MAP2: variants seen among roughly 807,000 people sequenced by gnomAD.
The protein encoded by MAP2 is microtubule associated protein 2.
MAP2 carries 14 observed loss-of-function variants against 137.6 expected under a neutral mutation model. The ratio of observed to expected loss-of-function variants is 0.10; its 90% CI spans 0.07 to 0.16. The LOEUF (loss-of-function observed/expected upper bound fraction) is 0.16, where lower values mean the gene tolerates loss of function less well. MAP2 is among the 10% of genes least tolerant of loss of function. The probability of loss-of-function intolerance (pLI) is 1.00; values close to 1 mark genes in which losing one functional copy is unlikely to be tolerated. For synonymous variants in MAP2, 786 were observed against 782.3 expected, an observed-to-expected ratio of 1.00 and a Z score of -0.08; for missense variants, 2,088 against 2,191.5, an observed-to-expected ratio of 0.95 and a Z score of 0.94.
intron 9 of MAP2, 82 bp from the exon 10 acceptor site, chr2:209,696,831 CTAAT>C: frequency 2.0e-6 from 3 of 1,536,984 alleles, no homozygotes; most frequent in South Asian, 2.4e-5. Flanking sequence ...ACAGTGGTAA[CTAAT>C]TATTTATAAA....
At chr2:209,644,959 A>G (rs1235936880) in intron 4 of MAP2, among the ~76,000 whole-genome samples, 2 of 152,194 alleles carry the variant, frequency 1.3e-5, no homozygotes, top group African/African-American at 4.8e-5. Flanking sequence ...GACTGATGGC[A>G]GAGTTGTCAG....
chr2:209,687,742 G>A (rs2057495560), intron 7 of MAP2, among the ~76,000 whole-genome samples: 1 of 152,042 alleles, frequency 6.6e-6, no homozygotes, highest in African/African-American at 2.4e-5. Flanking sequence ...GGATCAAGTG[G>A]GTCCTCTACA....
intron 7 of MAP2, among the ~76,000 whole-genome samples, chr2:209,685,788 T>A (rs1176270479): frequency 6.6e-6 from 1 of 152,188 alleles, no homozygotes; most frequent in Non-Finnish European, 1.5e-5. Context: ...CTGGACTGTT[T>A]TTAAATGTTG....
rs111673895 is a variant in MAP2 at position 209,584,866 on chromosome 2, G to A, written c.-107+4766G>A. On this transcript the variant is annotated intron_variant, in intron 3 of 15. Coordinates refer to ENST00000682079, the MANE Select transcript of MAP2 (RefSeq NM_001375505.1). ...AGCAGAAGGACTCAAAGGTGACTCT[G>A]AAATTTGAATCTGATAACTGAAAAA... Among the ~76,000 whole-genome samples the A allele has an allele frequency of 8.3e-3, 1,268 of 152,226 alleles. 19 individuals carry two copies. The highest frequency in any genetic ancestry group is 0.029 in the African/African-American group (1,192 of 41,538).
intron 1 of MAP2, among the ~76,000 whole-genome samples, chr2:209,478,665 T>C (rs1334385509): frequency 6.6e-6 from 1 of 152,236 alleles, no homozygotes; most frequent in Non-Finnish European, 1.5e-5. Context: ...AGGTTTTTGA[T>C]GTTTATCATA....
At chr2:209,531,267 T>C (rs1454903712) in intron 2 of MAP2, among the ~76,000 whole-genome samples, 2 of 152,222 alleles carry the variant, frequency 1.3e-5, no homozygotes, top group African/African-American at 4.8e-5. Flanking sequence ...TGCACCTGAC[T>C]GTCCTCATGT....
At chr2:209,555,795 T>A (rs924351278) in intron 2 of MAP2, among the ~76,000 whole-genome samples, 2 of 152,254 alleles carry the variant, frequency 1.3e-5, no homozygotes, top group African/African-American at 4.8e-5. Flanking sequence ...ATATTTAATA[T>A]TTGTCTTTAT....
At chr2:209,468,656 G>A (rs1053298794) in intron 1 of MAP2, among the ~76,000 whole-genome samples, 3 of 152,028 alleles carry the variant, frequency 2.0e-5, no homozygotes, top group African/African-American at 7.2e-5. Flanking sequence ...AAAGTCTTAC[G>A]TTGAGTTTAT....
intron 1 of MAP2, among the ~76,000 whole-genome samples, chr2:209,480,689 A>G (rs536861435): frequency 6.6e-5 from 10 of 152,300 alleles, no homozygotes; most frequent in East Asian, 1.9e-4. Flanking sequence ...GTATTTATCT[A>G]TAATAATCAG....
chr2:209,458,031 A>T (rs1007585240), intron 1 of MAP2, among the ~76,000 whole-genome samples: 1 of 152,118 alleles, frequency 6.6e-6, no homozygotes, highest in African/African-American at 2.4e-5. Context: ...TCCAGTATTG[A>T]TTATTAGTGT....
Position 209,653,345 on chromosome 2 carries a change from G to C in MAP2, c.175G>C (p.Gly59Arg), listed in dbSNP as rs766080778. The change falls in exon 5 of 16, where the codon GGA becomes CGA. Residue 59 changes from glycine (G) to arginine (R), a missense_variant. Around this residue, in one of 6 missense-constraint regions of MAP2, gnomAD observed 859 missense variants for 794.5 expected, o/e 1.08. Coordinates refer to ENST00000682079, the MANE Select transcript of MAP2 (RefSeq NM_001375505.1). ...CAGGGAGGATGAAGAGGGTGCCTTT[G>C]GAGAGCATGGGTCACAGGGCACCTA... The part of the protein sequence containing the change: ...PYREDEEGAF[G>R]EHGSQGTYSN... The C allele has an allele frequency of 1.2e-6, 2 of 1,614,128 alleles. No homozygotes were observed.
Position 209,687,688 on chromosome 2 carries a change from C to G in MAP2, c.455-4937C>G, listed in dbSNP as rs2057483338. 2.0e-5 allele frequency among the ~76,000 whole-genome samples: 3 copies of G among 152,088 alleles called. No homozygotes were observed. The South Asian group carries it at 6.2e-4, about 31-fold the overall frequency. On this transcript the variant is annotated intron_variant, in intron 7 of 15. Transcript: ENST00000682079. Reference sequence around the variant, plus strand: ...TTGTGTCTGTGTTGTCCAGTTCTCCCTGCAGTTTCTTCCTGTGTGTCTGTT... The same window carrying G: ...TTGTGTCTGTGTTGTCCAGTTCTCCGTGCAGTTTCTTCCTGTGTGTCTGTT...
intron 14 of MAP2, 100 bp from the exon 15 acceptor site, chr2:209,729,750 A>G: frequency 1.4e-6 from 1 of 699,610 alleles, no homozygotes; most frequent in Admixed American, 2.5e-5. Flanking sequence ...AAAGTTAATA[A>G]ATTTGTGGTT....
At chr2:209,443,301 A>G (rs537335889) in intron 1 of MAP2, among the ~76,000 whole-genome samples, 1 of 151,108 alleles carries the variant, frequency 6.6e-6, no homozygotes, top group East Asian at 1.9e-4. Flanking sequence ...GTCTATTTAT[A>G]CTTCTTGCAG....
intron 3 of MAP2, among the ~76,000 whole-genome samples, chr2:209,624,131 C>A (rs1026928443): frequency 4.6e-5 from 7 of 152,120 alleles, no homozygotes; most frequent in Non-Finnish European, 1.0e-4. Context: ...TTCCAACTTG[C>A]ATTTCCTAGT....
At chr2:209,596,447 G>C (rs58636345) in intron 3 of MAP2, among the ~76,000 whole-genome samples, 25,861 of 152,044 alleles carry the variant, frequency 0.17, 3,222 homozygotes, top group African/African-American at 0.35. Flanking sequence ...TTCTAACGTT[G>C]ACTATTTGCA....
intron 5 of MAP2, among the ~76,000 whole-genome samples, chr2:209,672,510 C>G (rs2049276894): frequency 6.6e-6 from 1 of 151,794 alleles, no homozygotes; most frequent in Non-Finnish European, 1.5e-5. Flanking sequence ...CTCTTATTCC[C>G]ACTTTACAGA....
chr2:209,509,241 T>C (rs1041135292), intron 2 of MAP2, among the ~76,000 whole-genome samples: 3 of 151,980 alleles, frequency 2.0e-5, no homozygotes, highest in Non-Finnish European at 4.4e-5. Flanking sequence ...TTTGTTAGAC[T>C]ATAAAAAACT....
chr2:209,583,212 A>G (rs906777835), intron 3 of MAP2, among the ~76,000 whole-genome samples: 21 of 146,950 alleles, frequency 1.4e-4, no homozygotes, highest in African/African-American at 4.4e-4. Context: ...CTATTTATCT[A>G]TGGTAGAAGT....
Sources: allele counts gnomAD v4.1 joint callset (sites outside exome capture counted in the v4.1 genomes callset), GRCh38; gene constraint gnomAD v4.1.1; regional missense constraint gnomAD v4.1.1; transcripts MANE v1.5; gene names NCBI Gene and HGNC (gene_info 2026-07-23, HGNC 2026-07-21).